Variants in MVB12B observed in about 807,000 individuals in gnomAD.
The protein encoded by MVB12B is multivesicular body subunit 12B.
A neutral mutation model predicts 41.6 loss-of-function variants in MVB12B; 16 were observed. The ratio of observed to expected loss-of-function variants is 0.38; its 90% confidence interval spans 0.26 to 0.58. MVB12B has a LOEUF of 0.58. Among genes scored for constraint, MVB12B ranks in the 20% least tolerant of loss-of-function variants. The pLI, the probability that MVB12B is intolerant of heterozygous loss-of-function variation, is 0.62. For synonymous variants in MVB12B, 133 were observed against 139.7 expected (o/e 0.95, Z 0.34); for missense variants, 274 against 380.2 (o/e 0.72, Z 2.32).
chr9:126,462,364 C>T (rs534996762), intron 7 of MVB12B, among the ~76,000 whole-genome samples: 19 of 152,154 alleles, frequency 1.2e-4, no homozygotes, highest in Non-Finnish European at 2.5e-4. Context: ...TTTCCGTGCC[C>T]GCATGAGGTT....
At chr9:126,369,331 T>G (rs1428656557) in intron 2 of MVB12B, among the ~76,000 whole-genome samples, 1 of 152,234 alleles carries the variant, frequency 6.6e-6, no homozygotes, top group Non-Finnish European at 1.5e-5. Context: ...AATTAAAAAG[T>G]TATGTTACAA....
At chr9:126,507,040 TC>T (rs1588223060), downstream of MVB12B, 2 of 152,770 alleles carry the variant, frequency 1.3e-5, no homozygotes, top group East Asian at 3.9e-4. Context: ...TTAACCTCTT[TC>T]CCCAGTTTGC....
chr9:126,378,591 G>A (rs547717143), intron 2 of MVB12B, among the ~76,000 whole-genome samples: 1 of 151,860 alleles, frequency 6.6e-6, no homozygotes, highest in East Asian at 1.9e-4. Flanking sequence ...TGGAGGTTAG[G>A]GGAGTCTCTC....
At chr9:126,382,343 CAT>C (rs1830661606) in intron 3 of MVB12B, among the ~76,000 whole-genome samples, 1 of 152,178 alleles carries the variant, frequency 6.6e-6, no homozygotes, top group Admixed American at 6.5e-5. Flanking sequence ...TTATTCTGAA[CAT>C]ATACAGGACT....
intron 2 of MVB12B, among the ~76,000 whole-genome samples, chr9:126,342,798 G>A (rs1014659163): frequency 6.6e-6 from 1 of 152,170 alleles, no homozygotes; most frequent in Non-Finnish European, 1.5e-5. Flanking sequence ...CTTTTATCTG[G>A]AGTTTCATAT....
chr9:126,460,412 C>T (rs966881711), intron 7 of MVB12B, among the ~76,000 whole-genome samples: 1 of 152,196 alleles, frequency 6.6e-6, no homozygotes, highest in African/African-American at 2.4e-5. Flanking sequence ...AGAATTCTAA[C>T]GTCTCTGCTT....
chr9:126,439,103 A>G lies in MVB12B; in HGVS notation c.757+17155A>G, dbSNP rs565396142. Reference sequence around the variant, plus strand: ...ATCGGACTTTTTTTTTTATTTTAATACACTTCCACCAGCAACACTGATTGC... The same window carrying G: ...ATCGGACTTTTTTTTTTATTTTAATGCACTTCCACCAGCAACACTGATTGC... On this transcript the variant is annotated intron_variant, in intron 7 of 9. Coordinates refer to ENST00000361171, the MANE Select transcript of MVB12B (RefSeq NM_033446.3). 1.9e-3 allele frequency among the ~76,000 whole-genome samples: 284 copies of G among 152,028 alleles called. 3 individuals are homozygous for G. Among genetic ancestry groups the G allele is most frequent in the African/African-American group, 6.7e-3 (277 of 41,466 alleles).
intron 1 of MVB12B, among the ~76,000 whole-genome samples, chr9:126,339,743 A>T (rs1243960599): frequency 1.3e-5 from 2 of 152,156 alleles, no homozygotes; most frequent in African/African-American, 4.8e-5. Flanking sequence ...AGTTACCTGG[A>T]CTTGTGTGTC....
chr9:126,495,204 AAAATG>A (rs1209201164), intron 9 of MVB12B, among the ~76,000 whole-genome samples: 1 of 151,606 alleles, frequency 6.6e-6, no homozygotes, highest in Non-Finnish European at 1.5e-5. Context: ...AAAAAAAAAA[AAAATG>A]AGAGAGAGAG....
chr9:126,412,298 A>G (rs565184707), intron 6 of MVB12B, among the ~76,000 whole-genome samples: 1 of 152,158 alleles, frequency 6.6e-6, no homozygotes, highest in Non-Finnish European at 1.5e-5. Context: ...ACTTCTTCCC[A>G]GTGGTGTTTG....
chr9:126,406,741 A>G (rs1175365012), intron 6 of MVB12B, among the ~76,000 whole-genome samples: 1 of 152,172 alleles, frequency 6.6e-6, no homozygotes, highest in African/African-American at 2.4e-5. Flanking sequence ...TGGCATTGCA[A>G]GGTTCAAGTG....
Position 126,392,935 on chromosome 9 carries a change from T to C in MVB12B, c.539+740T>C, listed in dbSNP as rs1021523541. On this transcript the variant is annotated intron_variant, in intron 5 of 9. Coordinates refer to ENST00000361171, the MANE Select transcript of MVB12B (RefSeq NM_033446.3). This position sits in a 1 kb window ranked among gnomAD's most constrained non-coding sequence, Gnocchi z 4.8. Reference sequence around the variant, plus strand: ...ACCTCCTAGGACATGGCCTGGAGTTTATTCCAAGCACGCTAGAAAGTCAGT... The same window carrying C: ...ACCTCCTAGGACATGGCCTGGAGTTCATTCCAAGCACGCTAGAAAGTCAGT... Among the ~76,000 whole-genome samples, 38 of 152,202 alleles carry C rather than the reference T, an allele frequency of 2.5e-4. No individual in the cohort carries two copies. Among genetic ancestry groups the C allele is most frequent in the African/African-American group, 9.2e-4 (38 of 41,440 alleles).
rs188022365 is a variant in MVB12B at position 126,333,446 on chromosome 9, C to T, written c.81+6436C>T. On this transcript the variant is annotated intron_variant, in intron 1 of 9. Transcript: ENST00000361171. The surrounding 1 kb of genome is among the most constrained non-coding windows in gnomAD (Gnocchi z 4.7). Reference sequence around the variant, plus strand: ...TTGAGATGAGGTCTGGCTCTGTCACCCAGCCTGGAGTGCAGTGGCACCATC... The same window carrying T: ...TTGAGATGAGGTCTGGCTCTGTCACTCAGCCTGGAGTGCAGTGGCACCATC... 2.0e-5 allele frequency among the ~76,000 whole-genome samples: 3 copies of T among 151,780 alleles called. No individual in the cohort carries two copies. The highest frequency in any genetic ancestry group is 4.8e-5 in the African/African-American group (2 of 41,354).
chr9:126,476,899 G>A (rs546650687), intron 7 of MVB12B, among the ~76,000 whole-genome samples: 9 of 137,788 alleles, frequency 6.5e-5, no homozygotes, highest in East Asian at 6.1e-4. Context: ...AAAAAAAAAT[G>A]TAAATCTATA....
At chr9:126,364,008 G>A (rs538624513) in intron 2 of MVB12B, among the ~76,000 whole-genome samples, 2 of 152,236 alleles carry the variant, frequency 1.3e-5, no homozygotes, top group East Asian at 3.9e-4. Flanking sequence ...TCGCATAGCT[G>A]TACCCCCAGT....
intron 9 of MVB12B, among the ~76,000 whole-genome samples, chr9:126,490,042 G>A (rs1437805483): frequency 6.6e-6 from 1 of 152,206 alleles, no homozygotes; most frequent in Non-Finnish European, 1.5e-5. Flanking sequence ...CCCAGAGCCT[G>A]GAAAGTGTAA....
In MVB12B at chr9:126,459,727, C is replaced by G. The variant is rs2417019; in HGVS notation, c.758-21642C>G. ...GGCAGCTTGGAGTGCGCAGTTGTTA[C>G]AGCGCTCACAGGGGCCGCGCTCACC... On this transcript the variant is annotated intron_variant, in intron 7 of 9. Transcript: ENST00000361171. The surrounding 1 kb of genome is among the most constrained non-coding windows in gnomAD (Gnocchi z 4.3). Among the ~76,000 whole-genome samples, 1 of 152,050 alleles carries G rather than the reference C, an allele frequency of 6.6e-6. No homozygotes were observed. The highest frequency in any genetic ancestry group is 1.5e-5 in the Non-Finnish European group (1 of 68,028).
intron 6 of MVB12B, among the ~76,000 whole-genome samples, chr9:126,413,850 G>GTGTGTGTGCA (rs1554776222): frequency 4.7e-5 from 2 of 42,314 alleles, no homozygotes; most frequent in Admixed American, 2.6e-4. Context: ...GTGTGTGTGT[G>GTGTGTGTGCA]TGTATAAGGG....
intron 2 of MVB12B, among the ~76,000 whole-genome samples, chr9:126,365,657 C>T (rs1406105586): frequency 1.3e-5 from 2 of 152,096 alleles, no homozygotes; most frequent in Non-Finnish European, 2.9e-5. Flanking sequence ...ATCTTTCAGA[C>T]CATGCAGTTG....
Sources: allele counts gnomAD v4.1 joint callset (sites outside exome capture counted in the v4.1 genomes callset), GRCh38; gene constraint gnomAD v4.1.1; non-coding constraint Gnocchi (gnomAD v3.1); transcripts MANE v1.5; gene names NCBI Gene and HGNC (gene_info 2026-07-23, HGNC 2026-07-21).